Variants in SHISAL1 observed in about 807,000 individuals in gnomAD.
The protein encoded by SHISAL1 is protein shisa-like-1.
Under a neutral mutation model 22.6 loss-of-function variants are expected in SHISAL1, and 9 were observed. That is an observed-to-expected ratio of 0.40 (90% CI 0.24 to 0.70). The LOEUF is 0.70. Ranked by LOEUF, SHISAL1 falls within the 30% of genes least tolerant of loss-of-function variation. SHISAL1 has a pLI of 0.39. For missense variants in SHISAL1, 246 were observed against 270.6 expected (o/e 0.91, Z 0.64); for synonymous variants, 119 against 115.4 (o/e 1.03, Z -0.20).
At chr22:44,325,389 A>G in the SHISAL1 span, among the ~76,000 whole-genome samples, 1 of 152,194 alleles carries the variant, frequency 6.6e-6, no homozygotes, top group Admixed American at 6.5e-5. Context: ...GCAGAGACCG[A>G]GGCTCAGAGC....
At chr22:44,260,849 C>A (rs1198149437) in intron 4 of SHISAL1, among the ~76,000 whole-genome samples, 4 of 152,040 alleles carry the variant, frequency 2.6e-5, no homozygotes, top group Non-Finnish European at 5.9e-5. Context: ...CCCATGGTTG[C>A]CCCTGCATGG....
At chr22:44,271,318 C>T (rs1157560667) in intron 4 of SHISAL1, among the ~76,000 whole-genome samples, 1 of 152,200 alleles carries the variant, frequency 6.6e-6, no homozygotes, top group Non-Finnish European at 1.5e-5. Context: ...CCATAGGCCC[C>T]AGCACACAGG....
intron 2 of SHISAL1, among the ~76,000 whole-genome samples, chr22:44,299,609 G>A (rs1487753715): frequency 1.3e-5 from 2 of 152,144 alleles, no homozygotes; most frequent in Non-Finnish European, 2.9e-5. Flanking sequence ...GCCTCCCTCT[G>A]AGCTGCCCCC....
chr22:44,266,288 T>A (rs981020234), intron 4 of SHISAL1, among the ~76,000 whole-genome samples: 1 of 152,028 alleles, frequency 6.6e-6, no homozygotes, highest in Non-Finnish European at 1.5e-5. Flanking sequence ...GCTGCGGAGA[T>A]GCTTAAGGGA....
chr22:44,315,440 T>G (rs937477348), upstream of SHISAL1, among the ~76,000 whole-genome samples: 1 of 151,966 alleles, frequency 6.6e-6, no homozygotes, highest in Non-Finnish European at 1.5e-5. Flanking sequence ...GGCTGCTGGG[T>G]GTGGTGCCGG....
intron 1 of SHISAL1, among the ~76,000 whole-genome samples, chr22:44,311,742 G>A (rs1202182177): frequency 6.6e-6 from 1 of 152,180 alleles, no homozygotes; most frequent in African/African-American, 2.4e-5. Context: ...TCCTCCAGGG[G>A]GCCACACTGG....
chr22:44,269,472 GCGCA>G (rs370213278), intron 4 of SHISAL1, among the ~76,000 whole-genome samples: 46 of 136,168 alleles, frequency 3.4e-4, no homozygotes, highest in African/African-American at 1.1e-3. Context: ...CCCACAACAC[GCGCA>G]CACACACACA....
upstream of SHISAL1, among the ~76,000 whole-genome samples, chr22:44,314,813 G>C (rs1393847251): frequency 6.6e-6 from 1 of 152,132 alleles, no homozygotes; most frequent in Admixed American, 6.5e-5. Context: ...GAAAATGCAT[G>C]GTGTTATGGC....
chr22:44,325,782 A>G, the SHISAL1 span, among the ~76,000 whole-genome samples: 9 of 152,114 alleles, frequency 5.9e-5, no homozygotes, highest in Admixed American at 3.3e-4. Flanking sequence ...GTCACAAAGG[A>G]ACCTTCATAA....
In SHISAL1 at chr22:44,248,686, G is replaced by A. The variant is rs1183626159; in HGVS notation, c.*999C>T. The stretch of plus-strand genomic sequence containing the variant: ...CATTCCCATCACTGCCCAGCACGGG[G>A]CCTGGCACACAGCAGATGCTTAGCC... On this transcript the variant is annotated 3_prime_UTR_variant, in exon 5 of 5. Coordinates refer to ENST00000381176, the MANE Select transcript of SHISAL1 (RefSeq NM_001099294.2). The A allele has an allele frequency of 1.3e-5, 2 of 152,320 alleles. No individual in the cohort carries two copies. The highest frequency in any genetic ancestry group is 2.9e-5 in the Non-Finnish European group (2 of 68,046). The allele number at this position is 152,320 out of a possible 1,614,324, so 9.4% of individuals were successfully genotyped here. A position where few individuals can be genotyped will look rare whatever the true frequency, so the allele number is the denominator to read the frequency against.
chr22:44,303,966 G>A (rs2055452126), intron 1 of SHISAL1, among the ~76,000 whole-genome samples: 1 of 152,206 alleles, frequency 6.6e-6, no homozygotes, highest in South Asian at 2.1e-4. Context: ...GACGGTTTCA[G>A]AGTTGAACAT....
At chr22:44,292,939 G>A (rs1001613620) in intron 3 of SHISAL1, among the ~76,000 whole-genome samples, 1 of 152,222 alleles carries the variant, frequency 6.6e-6, no homozygotes, top group African/African-American at 2.4e-5. Context: ...TCCCATGCAT[G>A]GCCTATGCAG....
chr22:44,263,130 GC>G (rs1311470964), intron 4 of SHISAL1, among the ~76,000 whole-genome samples: 1 of 135,912 alleles, frequency 7.4e-6, no homozygotes, highest in African/African-American at 2.8e-5. Flanking sequence ...CCAGGCAATA[GC>G]GCAATCTTGG....
rs570183491 is a variant in SHISAL1, at chr22:44,308,834, G to A, written c.-33+3917C>T. Reference sequence around the variant, plus strand: ...CCCTCCTTAGACAGGGGCCACGCTCGGGCCTGAACCCCACAGGATGGAGAA... The same window carrying A: ...CCCTCCTTAGACAGGGGCCACGCTCAGGCCTGAACCCCACAGGATGGAGAA... On this transcript the variant is annotated intron_variant, in intron 1 of 4. Coordinates refer to ENST00000381176, the MANE Select transcript of SHISAL1 (RefSeq NM_001099294.2). Among the ~76,000 whole-genome samples, 5 of 152,312 alleles carry A rather than the reference G, an allele frequency of 3.3e-5. No homozygotes were observed. In the South Asian group the frequency reaches 8.3e-4, roughly 25 times the overall value.
intron 4 of SHISAL1, among the ~76,000 whole-genome samples, chr22:44,251,870 C>G (rs1417079022): frequency 6.6e-6 from 1 of 152,160 alleles, no homozygotes; most frequent in African/African-American, 2.4e-5. Flanking sequence ...AGTTGCCTTA[C>G]AGTGAGAAGG....
At chr22:44,261,666 T>A (rs62226687) in intron 4 of SHISAL1, among the ~76,000 whole-genome samples, 2,770 of 152,356 alleles carry the variant, frequency 0.018, 54 homozygotes, top group Non-Finnish European at 0.029. Flanking sequence ...TGCTTCCTCA[T>A]TGCACAGCCT....
the SHISAL1 span, among the ~76,000 whole-genome samples, chr22:44,330,471 C>T: frequency 2.0e-5 from 3 of 152,170 alleles, no homozygotes; most frequent in Non-Finnish European, 2.9e-5. Context: ...GAGGCATCCC[C>T]AGAGGTGCTC....
At chr22:44,269,210 A>T (rs913465086) in intron 4 of SHISAL1, among the ~76,000 whole-genome samples, 6 of 150,710 alleles carry the variant, frequency 4.0e-5, no homozygotes, top group African/African-American at 1.5e-4. Flanking sequence ...CTCACAATAT[A>T]TACACACACA....
rs1384089096 is a variant in SHISAL1, at chr22:44,247,769, C to T, written c.*1916G>A. 3 of 152,284 alleles carry T rather than the reference C, an allele frequency of 2.0e-5. No homozygotes were observed. The highest frequency in any genetic ancestry group is 7.2e-5 in the African/African-American group (3 of 41,444). 9.4% of individuals were successfully genotyped at this position (152,284 alleles called of 1,614,324 possible). ...ACCCTAGCAAGTTTGTTCTGCTTTT[C>T]CAAAGGCAGGACATTGTGTTTGCAC... On this transcript the variant is annotated 3_prime_UTR_variant, in exon 5 of 5. Coordinates refer to ENST00000381176, the MANE Select transcript of SHISAL1 (RefSeq NM_001099294.2).
Sources: allele counts gnomAD v4.1 joint callset (sites outside exome capture counted in the v4.1 genomes callset), GRCh38; gene constraint gnomAD v4.1.1; transcripts MANE v1.5; gene names NCBI Gene and HGNC (gene_info 2026-07-23, HGNC 2026-07-21).